TIAM1: variants seen among roughly 807,000 people sequenced by gnomAD.
The protein encoded by TIAM1 is TIAM Rac1 associated GEF 1, also known as rho guanine nucleotide exchange factor TIAM1.
In TIAM1, 65 loss-of-function variants were observed where a neutral mutation model predicts 163.5. The observed-to-expected ratio is 0.40, with a 90% CI of 0.33 to 0.49. The LOEUF (loss-of-function observed/expected upper bound fraction) is 0.49, where lower values mean the gene tolerates loss of function less well. Among genes scored for constraint, TIAM1 ranks in the 20% least tolerant of loss-of-function variants. The pLI, the probability that TIAM1 is intolerant of heterozygous loss-of-function variation, is 0.77. For missense variants in TIAM1, 1,789 were observed against 2,044.7 expected (o/e 0.87, Z 2.41); for synonymous variants, 833 against 810.1 (o/e 1.03, Z -0.48).
intron 9 of TIAM1, among the ~76,000 whole-genome samples, chr21:31,213,689 T>TG (rs902916326): frequency 2.1e-5 from 3 of 145,336 alleles, no homozygotes; most frequent in African/African-American, 8.5e-5. Flanking sequence ...GTTTGACAGT[T>TG]GGAAAAAAAA....
chr21:31,253,575 T>G (rs2071936049), intron 4 of TIAM1, among the ~76,000 whole-genome samples: 1 of 152,140 alleles, frequency 6.6e-6, no homozygotes, highest in African/African-American at 2.4e-5. Context: ...CTAAAAGAGA[T>G]GTATAGCAAG....
chr21:31,507,805 AGGTGTTTTAGGGTGGTAGCCCAGGGGTG>A (rs2047082243), intron 1 of TIAM1, among the ~76,000 whole-genome samples: 1 of 152,178 alleles, frequency 6.6e-6, no homozygotes, highest in African/African-American at 2.4e-5. Flanking sequence ...TATTATGGGA[AGGTGTTTTAGGGTGGTAGCCCAGGGGTG>A]GGTGTGTGCT....
At position 31,521,025 on chromosome 21, in the gene TIAM1, G is replaced by A. The variant is rs142299770; in HGVS notation, c.-422+37902C>T. ...AAGAACACAGCCTGCCACAGAGCAG[G>A]TGCTTAATAAATGCCCAAGGCTTGC... is the stretch of plus-strand genomic sequence containing the variant. On this transcript the variant is annotated intron_variant, in intron 1 of 28. Coordinates refer to the TIAM1 transcript ENST00000286827. 2.6e-5 allele frequency among the ~76,000 whole-genome samples: 4 copies of A among 152,338 alleles called. No individual in the cohort carries two copies. The East Asian group carries it at 7.7e-4, about 29-fold the overall frequency.
chr21:31,456,403 G>A (rs1019889976), intron 2 of TIAM1, among the ~76,000 whole-genome samples: 9 of 152,214 alleles, frequency 5.9e-5, no homozygotes, highest in Non-Finnish European at 1.2e-4. Flanking sequence ...CCTGGCAAGG[G>A]TGAGCTTCCT....
At chr21:31,238,785 T>C (rs2071021486) in intron 6 of TIAM1, among the ~76,000 whole-genome samples, 2 of 152,218 alleles carry the variant, frequency 1.3e-5, no homozygotes, top group East Asian at 1.9e-4. Context: ...TCAACAGTAA[T>C]AGGACAAATA....
chr21:31,398,334 T>G (rs2147213247), intron 2 of TIAM1, among the ~76,000 whole-genome samples: 2 of 152,312 alleles, frequency 1.3e-5, no homozygotes, highest in Middle Eastern at 6.8e-3. Context: ...TGAAGAACTG[T>G]GGATAAGCTG....
intron 2 of TIAM1, among the ~76,000 whole-genome samples, chr21:31,388,362 C>A (rs910701807): frequency 6.6e-6 from 1 of 151,806 alleles, no homozygotes; most frequent in African/African-American, 2.4e-5. Flanking sequence ...AGTGCAGAGC[C>A]GGGCATGGTG....
intron 23 of TIAM1, among the ~76,000 whole-genome samples, chr21:31,133,043 A>G (rs1340846588): frequency 6.6e-6 from 1 of 152,168 alleles, no homozygotes; most frequent in Non-Finnish European, 1.5e-5. Flanking sequence ...TTAAACCAAA[A>G]CAAGACAACC....
At chr21:31,298,519 T>C (rs2074374834) in intron 2 of TIAM1, among the ~76,000 whole-genome samples, 3 of 152,212 alleles carry the variant, frequency 2.0e-5, no homozygotes, top group South Asian at 4.1e-4. Flanking sequence ...TTAATTGGCA[T>C]TTCCAAATAT....
At chr21:31,467,655 AAAAT>A (rs1033503473) in intron 1 of TIAM1, among the ~76,000 whole-genome samples, 54 of 151,502 alleles carry the variant, frequency 3.6e-4, no homozygotes, top group African/African-American at 1.2e-3. Flanking sequence ...AAATAAAAAT[AAAAT>A]AAATAAATAA....
chr21:31,390,759 GC>G (rs1218042129), intron 2 of TIAM1, among the ~76,000 whole-genome samples: 1 of 152,150 alleles, frequency 6.6e-6, no homozygotes, highest in Non-Finnish European at 1.5e-5. Flanking sequence ...ATGAACCTAT[GC>G]CAGGAAACAC....
intron 22 of TIAM1, among the ~76,000 whole-genome samples, chr21:31,136,601 T>C (rs796104534): frequency 1.5e-4 from 23 of 152,314 alleles, no homozygotes; most frequent in African/African-American, 2.9e-4. Context: ...ATCTTTTTTT[T>C]CCCCATTTAT....
chr21:31,423,440 T>C (rs1293801152), intron 2 of TIAM1, among the ~76,000 whole-genome samples: 1 of 152,048 alleles, frequency 6.6e-6, no homozygotes, highest in Non-Finnish European at 1.5e-5. Flanking sequence ...AAGAGTAGCC[T>C]ACCCTCGCTG....
At chr21:31,130,851 A>C (rs1335687522) in intron 24 of TIAM1, 39 bp downstream of exon 24, 1 of 1,582,002 alleles carries the variant, frequency 6.3e-7, no homozygotes, top group African/African-American at 1.3e-5. Context: ...GCAGATAGAG[A>C]AATAGTTTCA....
At chr21:31,394,183 A>T (rs1489551296) in intron 2 of TIAM1, among the ~76,000 whole-genome samples, 2 of 152,228 alleles carry the variant, frequency 1.3e-5, no homozygotes, top group Admixed American at 6.5e-5. Context: ...AGAAGAAATG[A>T]GCTAGCAAGC....
At position 31,299,322 on chromosome 21, in the gene TIAM1, C is replaced by T. The variant is rs114007251; in HGVS notation, c.-188-22414G>A. Among the ~76,000 whole-genome samples, 365 of 152,334 alleles carry T rather than the reference C, an allele frequency of 2.4e-3. 2 individuals are homozygous for T. The highest frequency in any genetic ancestry group is 8.0e-3 in the African/African-American group (334 of 41,574). Reference sequence around the variant, plus strand: ...AGTTGTAAACCTGGCCATGCTACCACGTCACCACCTTCTCCCTTCCATGAC... The same window carrying T: ...AGTTGTAAACCTGGCCATGCTACCATGTCACCACCTTCTCCCTTCCATGAC... On this transcript the variant is annotated intron_variant, in intron 2 of 27. Transcript: ENST00000541036.
At chr21:31,217,976 G>C (rs898728336) in intron 8 of TIAM1, among the ~76,000 whole-genome samples, 1 of 152,162 alleles carries the variant, frequency 6.6e-6, no homozygotes. Context: ...TATATGTTCT[G>C]TTTCCAAAAA....
At chr21:31,125,651 T>C (rs1286869021) in intron 26 of TIAM1, among the ~76,000 whole-genome samples, 1 of 152,222 alleles carries the variant, frequency 6.6e-6, no homozygotes. Context: ...CTTGGCTCAT[T>C]GCAACCTCCA....
In TIAM1 at chr21:31,122,321, T is replaced by G. The variant is rs184758668; in HGVS notation, c.4307-1484A>C. Among the ~76,000 whole-genome samples the G allele has an allele frequency of 3.2e-3, 484 of 152,320 alleles. 3 individuals carry two copies. The highest frequency in any genetic ancestry group is 0.011 in the African/African-American group (464 of 41,570). On this transcript the variant is annotated intron_variant, in intron 27 of 27. Coordinates refer to ENST00000541036, the MANE Select transcript of TIAM1 (RefSeq NM_001353694.2). ...TTCTATTGAGAAGAGACAAAAATTC[T>G]TGTTCACTTTTATCTCAGCACCAGC...
Sources: allele counts gnomAD v4.1 joint callset (sites outside exome capture counted in the v4.1 genomes callset), GRCh38; gene constraint gnomAD v4.1.1; transcripts MANE v1.5; gene names NCBI Gene and HGNC (gene_info 2026-07-23, HGNC 2026-07-21).